ADCY9: variants seen among roughly 807,000 people sequenced by gnomAD.
ADCY9 encodes the protein adenylate cyclase type 9.
ADCY9 carries 50 observed loss-of-function variants against 101.5 expected under a neutral mutation model. That is an observed-to-expected ratio of 0.49 (90% confidence interval 0.39 to 0.62). The LOEUF (loss-of-function observed/expected upper bound fraction) is 0.62, where lower values mean the gene tolerates loss of function less well. Ranked by LOEUF, ADCY9 falls within the 20% of genes least tolerant of loss-of-function variation. ADCY9 has a pLI of 0.00. For missense variants in ADCY9, 1,662 were observed against 1,800.4 expected, an observed-to-expected ratio of 0.92 and a Z score of 1.39; for synonymous variants, 905 against 769.3, an observed-to-expected ratio of 1.18 and a Z score of -2.92.
intron 2 of ADCY9, among the ~76,000 whole-genome samples, chr16:4,087,770 G>A (rs2247580): frequency 0.12 from 17,404 of 149,968 alleles, 1,605 homozygotes; most frequent in East Asian, 0.43. Flanking sequence ...CTATTTGCTC[G>A]GATACTACAG....
chr16:4,046,367 C>T (rs113960413), intron 2 of ADCY9, among the ~76,000 whole-genome samples: 8,149 of 152,098 alleles, frequency 0.054, 774 homozygotes, highest in African/African-American at 0.19. Flanking sequence ...TGCAGATCCA[C>T]GAATGGGCAG....
downstream of ADCY9, among the ~76,000 whole-genome samples, chr16:3,958,232 G>A (rs1202083237): frequency 1.3e-5 from 2 of 152,036 alleles, no homozygotes; most frequent in African/African-American, 4.8e-5. Context: ...ACACTGCCGA[G>A]GGAGGAATTT....
chr16:3,993,030 C>T (rs1220507341), intron 4 of ADCY9, among the ~76,000 whole-genome samples: 4 of 152,172 alleles, frequency 2.6e-5, no homozygotes, highest in Non-Finnish European at 5.9e-5. Context: ...CCCAACCTCT[C>T]TCTTCACCCA....
intron 5 of ADCY9, among the ~76,000 whole-genome samples, chr16:3,955,080 AG>A (rs2055900474): frequency 6.6e-6 from 1 of 152,182 alleles, no homozygotes; most frequent in South Asian, 2.1e-4. Context: ...TGGCTGTGTA[AG>A]AAAAGTAAAT....
intron 2 of ADCY9, 73 bp downstream of exon 2, chr16:4,113,677 G>A (rs923767005): frequency 1.3e-6 from 2 of 1,519,082 alleles, no homozygotes; most frequent in East Asian, 2.3e-5. Flanking sequence ...CACTGAGGCT[G>A]GAAGCTTTTT....
At chr16:4,104,758 T>A (rs753787361) in intron 2 of ADCY9, among the ~76,000 whole-genome samples, 1 of 152,174 alleles carries the variant, frequency 6.6e-6, no homozygotes, top group South Asian at 2.1e-4. Flanking sequence ...TTGCAACAAA[T>A]TGAATGCCAA....
At chr16:4,106,368 A>C (rs932518253) in intron 2 of ADCY9, among the ~76,000 whole-genome samples, 4 of 151,996 alleles carry the variant, frequency 2.6e-5, no homozygotes, top group African/African-American at 9.7e-5. Context: ...CCCCACATCC[A>C]CCCTCTGATG....
chr16:3,992,487 A>T lies in ADCY9; in HGVS notation c.1990-124T>A. 2.4e-6 allele frequency: 2 copies of T among 840,468 alleles called. No individual in the cohort carries two copies. The highest frequency in any genetic ancestry group is 3.7e-6 in the Non-Finnish European group (2 of 546,354). The allele number at this position is 840,468 out of a possible 1,614,324, so 52.1% of individuals were successfully genotyped here. A position where few individuals can be genotyped will look rare whatever the true frequency, so the allele number is the denominator to read the frequency against. On this transcript the variant is annotated intron_variant, in intron 4 of 10. Coordinates refer to ENST00000294016, the MANE Select transcript of ADCY9 (RefSeq NM_001116.4). The surrounding 1 kb of genome is among the most constrained non-coding windows in gnomAD (Gnocchi z 4.2). ...GCTGCACTGGGCGTGGGACTTTCTG[A>T]CCTGCGAGGAACCCCCACCCCCCTG...
At chr16:4,043,296 T>C (rs1893132929) in intron 2 of ADCY9, among the ~76,000 whole-genome samples, 2 of 152,102 alleles carry the variant, frequency 1.3e-5, no homozygotes, top group Non-Finnish European at 2.9e-5. Context: ...GTATAATGTG[T>C]TATATGTAAA....
chr16:4,031,781 G>A (rs1239894690), intron 2 of ADCY9, among the ~76,000 whole-genome samples: 1 of 151,940 alleles, frequency 6.6e-6, no homozygotes, highest in African/African-American at 2.4e-5. Flanking sequence ...GGGGGCAGAG[G>A]TGAGAGGATC....
chr16:3,994,559 G>A (rs2056272502), intron 3 of ADCY9, among the ~76,000 whole-genome samples: 1 of 152,158 alleles, frequency 6.6e-6, no homozygotes, highest in South Asian at 2.1e-4. Context: ...GGGTTCAAGC[G>A]ATTCTCCTGC....
intron 2 of ADCY9, among the ~76,000 whole-genome samples, chr16:4,056,108 A>G (rs2056736101): frequency 1.3e-5 from 2 of 152,330 alleles, no homozygotes; most frequent in South Asian, 2.1e-4. Context: ...CCCTCCCCGC[A>G]AGGAGGTTGT....
intron 2 of ADCY9, among the ~76,000 whole-genome samples, chr16:4,081,658 G>A (rs1251679584): frequency 1.3e-5 from 2 of 152,046 alleles, no homozygotes; most frequent in Admixed American, 1.3e-4. Flanking sequence ...ACACCCACAT[G>A]TTCAACATCA....
intron 5 of ADCY9, among the ~76,000 whole-genome samples, chr16:3,957,228 C>T (rs1358657884): frequency 6.6e-6 from 1 of 152,222 alleles, no homozygotes; most frequent in Non-Finnish European, 1.5e-5. Flanking sequence ...CAGTTAGAAC[C>T]TGGGCTTTCT....
intron 2 of ADCY9, among the ~76,000 whole-genome samples, chr16:4,090,663 C>T (rs916330300): frequency 1.3e-5 from 2 of 151,820 alleles, no homozygotes; most frequent in South Asian, 2.1e-4. Flanking sequence ...TGTATTTAGA[C>T]GGTGTGGATT....
intron 3 of ADCY9, among the ~76,000 whole-genome samples, chr16:4,002,947 C>T (rs1445806659): frequency 1.3e-5 from 2 of 152,168 alleles, no homozygotes; most frequent in Non-Finnish European, 2.9e-5. Context: ...AACTCCTGAC[C>T]GCAGGTGATC....
intron 2 of ADCY9, among the ~76,000 whole-genome samples, chr16:4,042,953 C>T (rs920300226): frequency 6.6e-6 from 1 of 152,174 alleles, no homozygotes; most frequent in Admixed American, 6.6e-5. Flanking sequence ...AAAACTCGGC[C>T]GGGCGCAGTG....
chr16:3,957,068 A>G (rs987877346), intron 5 of ADCY9, among the ~76,000 whole-genome samples: 2 of 152,172 alleles, frequency 1.3e-5, no homozygotes, highest in Non-Finnish European at 2.9e-5. Flanking sequence ...ACTACTGTCT[A>G]AGCCTGACAT....
At chr16:4,005,747 A>C (rs1285658288) in intron 3 of ADCY9, among the ~76,000 whole-genome samples, 1 of 152,192 alleles carries the variant, frequency 6.6e-6, no homozygotes, top group Non-Finnish European at 1.5e-5. Context: ...CGCATCCCCT[A>C]ACGGACAGAA....
Sources: allele counts gnomAD v4.1 joint callset (sites outside exome capture counted in the v4.1 genomes callset), GRCh38; gene constraint gnomAD v4.1.1; non-coding constraint Gnocchi (gnomAD v3.1); transcripts MANE v1.5; gene names NCBI Gene and HGNC (gene_info 2026-07-23, HGNC 2026-07-21).